Variants in ZMYND8 observed in about 807,000 individuals in gnomAD.
The protein encoded by ZMYND8 is zinc finger MYND-type containing 8.
In ZMYND8, 37 loss-of-function variants were observed where a neutral mutation model predicts 140.8. The ratio of observed to expected loss-of-function variants is 0.26; its 90% CI spans 0.20 to 0.35. The LOEUF is 0.35. ZMYND8 is among the 10% of genes least tolerant of loss of function. The pLI, the probability that ZMYND8 is intolerant of heterozygous loss-of-function variation, is 1.00. For synonymous variants in ZMYND8, 592 were observed against 597.1 expected (o/e 0.99, Z 0.12); for missense variants, 1,068 against 1,570.0 (o/e 0.68, Z 5.40).
intron 21 of ZMYND8, among the ~76,000 whole-genome samples, chr20:47,217,027 G>A (rs1466897056): frequency 6.6e-6 from 1 of 152,196 alleles, no homozygotes; most frequent in Non-Finnish European, 1.5e-5. Flanking sequence ...GAAAGCTGGG[G>A]TTCATCCAAG....
At position 47,227,197 on chromosome 20, in the gene ZMYND8, C is replaced by CCTTA; in HGVS notation, c.3016+2_3016+5dup. 6 of 1,614,160 alleles carry CCTTA rather than the reference C, an allele frequency of 3.7e-6. 1 individual carries two copies. Among genetic ancestry groups the CCTTA allele is most frequent in the Non-Finnish European group, 5.1e-6 (6 of 1,180,002 alleles). ...CCTCAGTCCAGACCAGTGTGTCAGGCCTTACCTAAGTTGTGTTTCATTTCG... is the reference window on the plus strand; with the variant it reads ...CCTCAGTCCAGACCAGTGTGTCAGGCCTTACTTACCTAAGTTGTGTTTCATTTCG... On this transcript the variant is annotated splice_donor_region_variant and intron_variant, in intron 18 of 22. Transcript: ENST00000471951.
intron 16 of ZMYND8, among the ~76,000 whole-genome samples, chr20:47,236,094 T>C (rs931590412): frequency 2.0e-5 from 3 of 152,276 alleles, no homozygotes; most frequent in African/African-American, 7.2e-5. Context: ...TTGCACTTTA[T>C]GAACTGACTT....
chr20:47,251,747 C>T (rs2074192646), intron 12 of ZMYND8, among the ~76,000 whole-genome samples: 1 of 151,872 alleles, frequency 6.6e-6, no homozygotes, highest in African/African-American at 2.4e-5. Context: ...GCGCCTCTGC[C>T]CAGTCGCCCC....
chr20:47,312,649 G>C (rs1288645045), intron 2 of ZMYND8, among the ~76,000 whole-genome samples: 1 of 152,124 alleles, frequency 6.6e-6, no homozygotes, highest in Non-Finnish European at 1.5e-5. Context: ...AATTAGCTAG[G>C]CATGGTAGCG....
intron 15 of ZMYND8, 86 bp downstream of exon 15, chr20:47,238,672 A>T (rs773367894): frequency 1.4e-4 from 220 of 1,542,604 alleles, no homozygotes; most frequent in Admixed American, 3.9e-4. Flanking sequence ...AACTAAAAAA[A>T]AAAAATAAAA....
intron 1 of ZMYND8, chr20:47,352,430 AGAG>A: frequency 1.0e-6 from 1 of 982,338 alleles, no homozygotes; most frequent in Non-Finnish European, 1.2e-6. Context: ...CCGAGTCTGC[AGAG>A]GAGAAACACA....
intron 17 of ZMYND8, among the ~76,000 whole-genome samples, chr20:47,228,892 G>A (rs987678342): frequency 2.0e-5 from 3 of 152,142 alleles, no homozygotes; most frequent in African/African-American, 4.8e-5. Flanking sequence ...ACAGACAGCC[G>A]GCAAGTGGCC....
At chr20:47,239,252 A>T (rs2039642915) in intron 14 of ZMYND8, 114 bp from the exon 15 acceptor site, 2 of 1,360,286 alleles carry the variant, frequency 1.5e-6, no homozygotes, top group Non-Finnish European at 9.6e-7. Flanking sequence ...GGAATGCCGA[A>T]CCAATTCGAC....
chr20:47,292,468 G>A (rs2077326506), intron 5 of ZMYND8, among the ~76,000 whole-genome samples: 2 of 151,662 alleles, frequency 1.3e-5, no homozygotes, highest in Admixed American at 6.6e-5. Flanking sequence ...TACACCTTTT[G>A]CTTCCACTGA....
chr20:47,264,308 G>A (rs761347605), intron 11 of ZMYND8, among the ~76,000 whole-genome samples: 2 of 152,060 alleles, frequency 1.3e-5, no homozygotes, highest in Non-Finnish European at 2.9e-5. Context: ...ATGGAGTCTC[G>A]CTCTGTCACC....
chr20:47,346,442 GCCT>G (rs2082339540), intron 2 of ZMYND8, among the ~76,000 whole-genome samples: 1 of 152,072 alleles, frequency 6.6e-6, no homozygotes, highest in African/African-American at 2.4e-5. Flanking sequence ...CCTCCGCCCA[GCCT>G]CCTCCTGCTG....
intron 2 of ZMYND8, among the ~76,000 whole-genome samples, chr20:47,334,759 G>A (rs1184399840): frequency 3.3e-5 from 5 of 151,766 alleles, no homozygotes; most frequent in Admixed American, 6.6e-5. Context: ...ACAGGCACAC[G>A]CCACCACACT....
intron 12 of ZMYND8, among the ~76,000 whole-genome samples, chr20:47,251,933 G>A (rs991953475): frequency 6.6e-6 from 1 of 151,580 alleles, no homozygotes; most frequent in South Asian, 2.1e-4. Flanking sequence ...TGCCCTCCCC[G>A]AGTTTGCATT....
chr20:47,304,174 G>A (rs773483016), intron 3 of ZMYND8, among the ~76,000 whole-genome samples: 1 of 152,168 alleles, frequency 6.6e-6, no homozygotes, highest in Non-Finnish European at 1.5e-5. Context: ...TGGAATATTT[G>A]CAGGTTATTA....
At chr20:47,335,951 G>A (rs935815179) in intron 2 of ZMYND8, among the ~76,000 whole-genome samples, 2 of 152,220 alleles carry the variant, frequency 1.3e-5, no homozygotes, top group African/African-American at 4.8e-5. Flanking sequence ...CCACTGCACA[G>A]TACACGGATG....
At chr20:47,340,010 T>G (rs1169954577) in intron 2 of ZMYND8, among the ~76,000 whole-genome samples, 1 of 152,026 alleles carries the variant, frequency 6.6e-6, no homozygotes, top group Non-Finnish European at 1.5e-5. Flanking sequence ...GGGCACGATC[T>G]CAGCTCCCTG....
intron 11 of ZMYND8, 72 bp from the exon 12 acceptor site, chr20:47,262,500 G>A: frequency 1.3e-6 from 2 of 1,566,584 alleles, no homozygotes; most frequent in East Asian, 4.5e-5. Flanking sequence ...GTGGTGTAGG[G>A]AGAGAATGGA....
chr20:47,239,024 C>T lies in ZMYND8; in HGVS notation c.2399G>A (p.Ser800Asn), dbSNP rs761740673. 6 of 1,593,110 alleles carry T rather than the reference C, an allele frequency of 3.8e-6. No individual in the cohort carries two copies. In the Admixed American group the frequency reaches 1.0e-4, roughly 27 times the overall value. Residue 800 changes from serine (S) to asparagine (N), a missense_variant, in exon 15 of 23, where the codon AGC becomes AAC. Physicochemically the swap from Ser to Asn is conservative, Grantham distance 46 (BLOSUM62 1). Transcript: ENST00000471951. ...CGTGACGGTGACCGTGGAGGACGTG[C>T]TGGTGGTGGCTGTGGCGCCAGCCGC... ...TSAAGATATT[S>N]TSSTVTVTAP...
intron 11 of ZMYND8, among the ~76,000 whole-genome samples, chr20:47,270,120 C>T (rs1445306458): frequency 1.3e-5 from 2 of 151,932 alleles, no homozygotes; most frequent in Non-Finnish European, 2.9e-5. Flanking sequence ...ACTTGTACTC[C>T]TAGCTACTCA....
Sources: allele counts gnomAD v4.1 joint callset (sites outside exome capture counted in the v4.1 genomes callset), GRCh38; gene constraint gnomAD v4.1.1; transcripts MANE v1.5; gene names NCBI Gene and HGNC (gene_info 2026-07-23, HGNC 2026-07-21).